Variants in UGCG observed in about 807,000 individuals in gnomAD.
UGCG encodes ceramide glucosyltransferase.
UGCG carries 10 observed loss-of-function variants against 49.5 expected under a neutral mutation model. The ratio of observed to expected loss-of-function variants is 0.20; its 90% CI spans 0.12 to 0.34. The LOEUF (loss-of-function observed/expected upper bound fraction) is 0.34, where lower values mean the gene tolerates loss of function less well. Among genes scored for constraint, UGCG ranks in the 10% least tolerant of loss-of-function variants. The pLI is 1.00. For synonymous variants in UGCG, 182 were observed against 158.2 expected (o/e 1.15, Z -1.13); for missense variants, 312 against 483.7 (o/e 0.65, Z 3.33).
At chr9:111,932,122 C>T in intron 7 of UGCG, 48 bp from the exon 8 acceptor site, 2 of 1,549,734 alleles carry the variant, frequency 1.3e-6, no homozygotes, top group Admixed American at 1.8e-5. Context: ...AAGGATTTGT[C>T]TTGTAGCCAG....
chr9:111,912,592 A>T (rs996317981), intron 1 of UGCG, among the ~76,000 whole-genome samples: 13 of 152,124 alleles, frequency 8.5e-5, no homozygotes, highest in South Asian at 2.1e-4. Flanking sequence ...AAATAAAAAA[A>T]AAAAAATTCC....
chr9:111,908,397 G>A (rs1837931842), intron 1 of UGCG, among the ~76,000 whole-genome samples: 1 of 152,188 alleles, frequency 6.6e-6, no homozygotes, highest in Non-Finnish European at 1.5e-5. Flanking sequence ...TCTGAAGTCA[G>A]GACAGTGAGT....
At chr9:111,914,357 T>G (rs1838072845) in intron 1 of UGCG, among the ~76,000 whole-genome samples, 1 of 152,204 alleles carries the variant, frequency 6.6e-6, no homozygotes. Flanking sequence ...TAACAATAGC[T>G]GATGAGCTTT....
intron 2 of UGCG, among the ~76,000 whole-genome samples, chr9:111,920,806 T>C (rs1838207369): frequency 6.6e-6 from 1 of 152,252 alleles, no homozygotes; most frequent in Non-Finnish European, 1.5e-5. Context: ...TAACAGACTT[T>C]GTCGTTCTCT....
At chr9:111,904,109 A>C (rs1837830354) in intron 1 of UGCG, among the ~76,000 whole-genome samples, 1 of 152,234 alleles carries the variant, frequency 6.6e-6, no homozygotes, top group Non-Finnish European at 1.5e-5. Context: ...AGTTGTGTCC[A>C]GCACCTGCCA....
chr9:111,915,527 C>CTTCT (rs1564201158), intron 2 of UGCG, among the ~76,000 whole-genome samples: 1 of 152,180 alleles, frequency 6.6e-6, no homozygotes, highest in South Asian at 2.1e-4. Context: ...TGTCTTTAAG[C>CTTCT]TTCTACCCAC....
At position 111,922,886 on chromosome 9, in the gene UGCG, C is replaced by G; in HGVS notation, c.278C>G (p.Pro93Arg). 1.9e-6 allele frequency: 3 copies of G among 1,612,664 alleles called. No homozygotes were observed. Among genetic ancestry groups the G allele is most frequent in the Non-Finnish European group, 2.5e-6 (3 of 1,179,442 alleles). ...VLLCVQDHDD[P>R]AIDVCKKLLG... ...CTTTGTGTACAAGATCATGATGATC[C>G]AGCCATTGATGTATGTAAGAAGCTT... is the stretch of plus-strand genomic sequence containing the variant. Residue 93 changes from proline to arginine, a missense_variant, in exon 3 of 9, where the codon CCA (proline) becomes CGA (arginine). Physicochemically the swap from Pro to Arg is moderately radical, Grantham distance 103. This residue lies in a region of UGCG where 64 missense variants were observed against 67.6 expected (regional missense o/e 0.95). Coordinates refer to ENST00000374279, the MANE Select transcript of UGCG (RefSeq NM_003358.3).
At chr9:111,902,518 G>T (rs1195345926) in intron 1 of UGCG, among the ~76,000 whole-genome samples, 1 of 152,182 alleles carries the variant, frequency 6.6e-6, no homozygotes, top group Non-Finnish European at 1.5e-5. Context: ...AATAACAAAG[G>T]TCATTAGTCA....
intron 2 of UGCG, among the ~76,000 whole-genome samples, chr9:111,916,706 TC>T (rs1237970289): frequency 6.7e-6 from 1 of 150,194 alleles, no homozygotes; most frequent in Non-Finnish European, 1.5e-5. Context: ...GCTCAAGCAA[TC>T]CCCCCACCTC....
intron 1 of UGCG, among the ~76,000 whole-genome samples, chr9:111,901,687 A>G (rs989779171): frequency 7.9e-5 from 12 of 152,206 alleles, no homozygotes; most frequent in Non-Finnish European, 1.5e-4. Context: ...CCTGAACTTA[A>G]AAGTTGAAGA....
At chr9:111,913,129 A>AT (rs1402078139) in intron 1 of UGCG, among the ~76,000 whole-genome samples, 2 of 152,128 alleles carry the variant, frequency 1.3e-5, no homozygotes, top group Non-Finnish European at 2.9e-5. Context: ...TCATTGGTTG[A>AT]TTTTCACAGT....
At chr9:111,922,770 C>G in intron 2 of UGCG, 79 bp from the exon 3 acceptor site, 6 of 980,958 alleles carry the variant, frequency 6.1e-6, no homozygotes, top group East Asian at 2.7e-5. Flanking sequence ...TTTTCCTGTG[C>G]TTTTTGTTCA....
intron 1 of UGCG, among the ~76,000 whole-genome samples, chr9:111,909,064 G>T (rs1837945411): frequency 6.6e-6 from 1 of 152,202 alleles, no homozygotes; most frequent in East Asian, 1.9e-4. Context: ...AATTATAGGC[G>T]TGTGCCACCA....
At chr9:111,903,072 C>G (rs780634666) in intron 1 of UGCG, among the ~76,000 whole-genome samples, 2 of 152,174 alleles carry the variant, frequency 1.3e-5, no homozygotes, top group Middle Eastern at 3.4e-3. Flanking sequence ...GCCACTGTAC[C>G]CAGCCGAGTG....
At chr9:111,926,975 C>T (rs532553385) in intron 5 of UGCG, among the ~76,000 whole-genome samples, 2 of 140,002 alleles carry the variant, frequency 1.4e-5, no homozygotes, top group South Asian at 2.4e-4. Flanking sequence ...CAGGTTCAAA[C>T]GATTCTTCTG....
chr9:111,919,342 G>A (rs901287231), intron 2 of UGCG, among the ~76,000 whole-genome samples: 1 of 152,098 alleles, frequency 6.6e-6, no homozygotes, highest in Non-Finnish European at 1.5e-5. Context: ...AATTAGCCAG[G>A]TGTGGTGGTG....
At chr9:111,916,887 G>T (rs899273686) in intron 2 of UGCG, among the ~76,000 whole-genome samples, 1 of 151,532 alleles carries the variant, frequency 6.6e-6, no homozygotes, top group South Asian at 2.1e-4. Context: ...GCTTGTGCTT[G>T]TAATCCTAGC....
intron 2 of UGCG, among the ~76,000 whole-genome samples, chr9:111,919,780 G>A (rs1838185455): frequency 6.9e-6 from 1 of 145,722 alleles, no homozygotes; most frequent in Non-Finnish European, 1.5e-5. Context: ...GGGTGACAGA[G>A]CGAGACTCCA....
At chr9:111,923,145 A>G (rs182117223) in intron 3 of UGCG, among the ~76,000 whole-genome samples, 194 bp downstream of exon 3, 12 of 152,278 alleles carry the variant, frequency 7.9e-5, no homozygotes, top group Non-Finnish European at 1.3e-4. Flanking sequence ...TGAGATGAAC[A>G]AAATCACACA....
Sources: allele counts gnomAD v4.1 joint callset (sites outside exome capture counted in the v4.1 genomes callset), GRCh38; gene constraint gnomAD v4.1.1; regional missense constraint gnomAD v4.1.1; transcripts MANE v1.5; gene names NCBI Gene and HGNC (gene_info 2026-07-23, HGNC 2026-07-21).